Variants in UGT1A8 observed in about 807,000 individuals in gnomAD.
UGT1A8 encodes the protein UDP glucuronosyltransferase family 1 member A8.
UGT1A8 carries 39 observed loss-of-function variants against 45.3 expected under a neutral mutation model. The observed-to-expected ratio is 0.86, with a 90% confidence interval of 0.67 to 1.12. UGT1A8 has a LOEUF of 1.12. Among genes scored for constraint, UGT1A8 ranks in the 50% most tolerant of loss-of-function variants. The probability of loss-of-function intolerance (pLI) is 0.00; values close to 1 mark genes in which losing one functional copy is unlikely to be tolerated. For synonymous variants in UGT1A8, 275 were observed against 249.2 expected, an observed-to-expected ratio of 1.10 and a Z score of -0.97; for missense variants, 719 against 664.9, an observed-to-expected ratio of 1.08 and a Z score of -0.90.
At chr2:233,619,118 G>GTTTCA (rs1453436167) in intron 1 of UGT1A8, among the ~76,000 whole-genome samples, 1 of 151,988 alleles carries the variant, frequency 6.6e-6, no homozygotes, top group Non-Finnish European at 1.5e-5. Flanking sequence ...TATAAAAAAA[G>GTTTCA]TTTCATTTAT....
intron 1 of UGT1A8, among the ~76,000 whole-genome samples, chr2:233,758,825 C>CA: frequency 6.6e-6 from 1 of 152,232 alleles, no homozygotes. Flanking sequence ...ATATCCCCCC[C>CA]AAAAAGAGTG....
At position 233,713,557 on chromosome 2, in the gene UGT1A8, A is replaced by G. The variant is rs1233820517; in HGVS notation, c.856-53477A>G. 4 of 1,613,816 alleles carry G rather than the reference A, an allele frequency of 2.5e-6. No individual in the cohort carries two copies. The highest frequency in any genetic ancestry group is 2.2e-5 in the East Asian group (1 of 44,890). ...GACTTTAAGGGCACACAGTGTCCAA[A>G]CCCTTCCTCCTATATTCCTAGATTA... On this transcript the variant is annotated intron_variant, in intron 1 of 4. Transcript: ENST00000373450.
At chr2:233,726,314 C>T (rs1182823767) in intron 1 of UGT1A8, among the ~76,000 whole-genome samples, 1 of 152,162 alleles carries the variant, frequency 6.6e-6, no homozygotes, top group Non-Finnish European at 1.5e-5. Context: ...GATCATTGAG[C>T]TCAGGAGTTT....
chr2:233,681,945 G>T, intron 1 of UGT1A8: 1 of 1,613,336 alleles, frequency 6.2e-7, no homozygotes, highest in Non-Finnish European at 8.5e-7. Flanking sequence ...CTGATGGCTC[G>T]TGCAGGGTGG....
intron 1 of UGT1A8, chr2:233,636,534 A>C (rs374664471): frequency 5.0e-6 from 8 of 1,613,298 alleles, no homozygotes; most frequent in Non-Finnish European, 6.8e-6. Context: ...TGGCTCGCGC[A>C]GGGTGGACCA....
chr2:233,719,047 C>T (rs970652650), intron 1 of UGT1A8: 1 of 1,614,252 alleles, frequency 6.2e-7, no homozygotes, highest in Non-Finnish European at 8.5e-7. Flanking sequence ...AAATTTTTCA[C>T]CCTGACAGCC....
At chr2:233,715,485 A>T (rs1033981670) in intron 1 of UGT1A8, among the ~76,000 whole-genome samples, 2 of 152,154 alleles carry the variant, frequency 1.3e-5, no homozygotes, top group African/African-American at 4.8e-5. Context: ...TTTGAAAATG[A>T]TTTGTGTGCA....
intron 1 of UGT1A8, among the ~76,000 whole-genome samples, chr2:233,718,467 C>A (rs918689439): frequency 1.3e-5 from 2 of 152,224 alleles, no homozygotes; most frequent in African/African-American, 4.8e-5. Flanking sequence ...ACCTCAGCTG[C>A]AGCCTGATAA....
chr2:233,687,348 G>T (rs542645031), intron 1 of UGT1A8, among the ~76,000 whole-genome samples: 1 of 152,264 alleles, frequency 6.6e-6, no homozygotes, highest in East Asian at 1.9e-4. Flanking sequence ...TTAAACTTCA[G>T]ATGGGTGGAC....
intron 1 of UGT1A8, among the ~76,000 whole-genome samples, chr2:233,686,175 C>T (rs1190850906): frequency 6.6e-6 from 1 of 151,750 alleles, no homozygotes; most frequent in Non-Finnish European, 1.5e-5. Context: ...AATAGAAAAT[C>T]TAAAACTGTA....
chr2:233,671,194 C>A (rs2074181561), intron 1 of UGT1A8, among the ~76,000 whole-genome samples: 1 of 152,138 alleles, frequency 6.6e-6, no homozygotes, highest in Non-Finnish European at 1.5e-5. Flanking sequence ...GCAAGTTGAG[C>A]GGTCACTGAG....
Position 233,772,266 on chromosome 2 carries a change from AAGG to A in UGT1A8, c.1303_1305del (p.Glu435del). ...CGAAACTGTCTTTGTGTTTAGTTAC[AAGG>A]AGAACATCATGCGCCTCTCCAGCCT... is the stretch of plus-strand genomic sequence containing the variant. On this transcript the variant is annotated inframe_deletion, in exon 5 of 5. Coordinates refer to ENST00000373450, the MANE Select transcript of UGT1A8 (RefSeq NM_019076.5). 1 of 1,614,262 alleles carries A rather than the reference AAGG, an allele frequency of 6.2e-7. No homozygotes were observed. The highest frequency in any genetic ancestry group is 8.5e-7 in the Non-Finnish European group (1 of 1,180,048).
intron 1 of UGT1A8, chr2:233,754,946 G>C (rs770244493): frequency 2.0e-5 from 27 of 1,327,582 alleles, no homozygotes; most frequent in Non-Finnish European, 2.6e-5. Context: ...AGGAGAATGG[G>C]TCCCGGCCGC....
intron 1 of UGT1A8, among the ~76,000 whole-genome samples, chr2:233,669,084 C>T (rs1308536861): frequency 6.6e-6 from 1 of 152,216 alleles, no homozygotes; most frequent in Non-Finnish European, 1.5e-5. Context: ...GGATACCCAA[C>T]TGTTGAAGAG....
chr2:233,726,278 A>G (rs548858738), intron 1 of UGT1A8, among the ~76,000 whole-genome samples: 27 of 152,354 alleles, frequency 1.8e-4, no homozygotes, highest in African/African-American at 5.8e-4. Context: ...CTATGGTCCC[A>G]GGTACTTGGG....
chr2:233,746,553 C>T lies in UGT1A8; in HGVS notation c.856-20481C>T, dbSNP rs984942036. On this transcript the variant is annotated intron_variant, in intron 1 of 4. Transcript: ENST00000373450. The stretch of plus-strand genomic sequence containing the variant: ...GCTGCCCTGCTGTGTGACTTCTTAG[C>T]CCCTAGAGCACCACACCCTGTAATT... 4.6e-5 allele frequency among the ~76,000 whole-genome samples: 7 copies of T among 151,780 alleles called. 1 individual carries two copies. The highest frequency in any genetic ancestry group is 1.7e-4 in the African/African-American group (7 of 41,054).
intron 1 of UGT1A8, chr2:233,713,109 C>G: frequency 2.5e-6 from 4 of 1,614,208 alleles, no homozygotes; most frequent in Non-Finnish European, 3.4e-6. Flanking sequence ...TGATGGCAGC[C>G]ACTGGCTCAG....
chr2:233,679,139 C>A (rs1364113053), intron 1 of UGT1A8, among the ~76,000 whole-genome samples: 2 of 152,110 alleles, frequency 1.3e-5, no homozygotes, highest in African/African-American at 4.8e-5. Context: ...GATTGAGAGA[C>A]TGAATTAGAG....
chr2:233,691,144 GT>G (rs951408095), intron 1 of UGT1A8: 5 of 985,646 alleles, frequency 5.1e-6, no homozygotes, highest in Non-Finnish European at 6.0e-6. Context: ...TAGATGAACT[GT>G]TCTTTGAAGG....
Sources: allele counts gnomAD v4.1 joint callset (sites outside exome capture counted in the v4.1 genomes callset), GRCh38; gene constraint gnomAD v4.1.1; transcripts MANE v1.5; gene names NCBI Gene and HGNC (gene_info 2026-07-23, HGNC 2026-07-21).